ATF6: variants seen among roughly 807,000 people sequenced by gnomAD.
The protein encoded by ATF6 is activating transcription factor 6.
Under a neutral mutation model 83.6 loss-of-function variants are expected in ATF6, and 53 were observed. The ratio of observed to expected loss-of-function variants is 0.63; its 90% CI spans 0.51 to 0.80. The LOEUF is 0.80. Ranked by LOEUF, ATF6 falls within the 30% of genes least tolerant of loss-of-function variation. The pLI is 0.00. For synonymous variants in ATF6, 288 were observed against 285.8 expected (o/e 1.01, Z -0.08); for missense variants, 744 against 797.9 (o/e 0.93, Z 0.81).
At position 161,886,152 on chromosome 1, in the gene ATF6, G is replaced by A. The variant is rs115076617; in HGVS notation, c.1719+22840G>A. 9.2e-3 allele frequency among the ~76,000 whole-genome samples: 1,394 copies of A among 152,266 alleles called. 11 individuals carry two copies. The highest frequency in any genetic ancestry group is 0.015 in the Non-Finnish European group (1,012 of 68,020). On this transcript the variant is annotated intron_variant, in intron 14 of 15. Transcript: ENST00000367942. Reference sequence around the variant, plus strand: ...GCAGTGTGGCATTTCAGACAGAGAGGTGAATATGTAAGCACACAGGATGAG... The same window carrying A: ...GCAGTGTGGCATTTCAGACAGAGAGATGAATATGTAAGCACACAGGATGAG...
At chr1:161,791,247 AT>A (rs1253871221) in intron 4 of ATF6, among the ~76,000 whole-genome samples, 160 bp from the exon 5 acceptor site, 1 of 152,120 alleles carries the variant, frequency 6.6e-6, no homozygotes, top group African/African-American at 2.4e-5. Flanking sequence ...GATCATGCTG[AT>A]AGTCACTTAT....
At position 161,859,926 on chromosome 1, in the gene ATF6, T is replaced by G. The variant is rs559553792; in HGVS notation, c.1534-281T>G. 3.3e-5 allele frequency among the ~76,000 whole-genome samples: 5 copies of G among 152,296 alleles called. No individual in the cohort carries two copies. The East Asian group carries it at 7.7e-4, about 23-fold the overall frequency. ...ATATGTTCAGTAACACTTATATAGC[T>G]TGGTCATAAAATTTGTGGTGCTTGG... is the stretch of plus-strand genomic sequence containing the variant. On this transcript the variant is annotated intron_variant, in intron 12 of 15. Coordinates refer to ENST00000367942, the MANE Select transcript of ATF6 (RefSeq NM_007348.4).
intron 14 of ATF6, among the ~76,000 whole-genome samples, chr1:161,909,952 T>C (rs974557668): frequency 1.2e-4 from 18 of 151,878 alleles, no homozygotes; most frequent in African/African-American, 4.4e-4. Context: ...CAAGACTCCA[T>C]CTCAAAAAAA....
chr1:161,958,518 T>C lies in ATF6; in HGVS notation c.1877T>C (p.Leu626Pro). ...TGTCAGGTGATGGACACCAGGATCC[T>C]CCATATCAAAAGTTCGTCAGTTCCT... Reference protein sequence around the residue: ...IDCQVMDTRILHIKSSSVPPY... With the variant: ...IDCQVMDTRIPHIKSSSVPPY... Residue 626 changes from leucine to proline, a missense_variant, in exon 16 of 16, where the codon CTC becomes CCC. Leu to Pro is a moderately conservative substitution (Grantham distance 98). Transcript: ENST00000367942. 1 of 1,613,774 alleles carries C rather than the reference T, an allele frequency of 6.2e-7. No homozygotes were observed. The highest frequency in any genetic ancestry group is 8.5e-7 in the Non-Finnish European group (1 of 1,179,784).
At position 161,920,680 on chromosome 1, in the gene ATF6, C is replaced by T. The variant is rs777853659; in HGVS notation, c.1804+8300C>T. On this transcript the variant is annotated intron_variant, in intron 15 of 15. Coordinates refer to ENST00000367942, the MANE Select transcript of ATF6 (RefSeq NM_007348.4). ...TGAGCCAGTTGCTGTGTTGAGTCAA[C>T]GGCTTAAGAGTGGCTAAGGCCGAGA... Among the ~76,000 whole-genome samples, 8 of 151,688 alleles carry T rather than the reference C, an allele frequency of 5.3e-5. No homozygotes were observed. In the East Asian group the frequency reaches 5.9e-4, roughly 11 times the overall value.
At chr1:161,909,933 G>C (rs1201190781) in intron 14 of ATF6, among the ~76,000 whole-genome samples, 1 of 152,138 alleles carries the variant, frequency 6.6e-6, no homozygotes, top group Non-Finnish European at 1.5e-5. Flanking sequence ...TCCAGCTTGG[G>C]TGACAGAGCA....
intron 5 of ATF6, among the ~76,000 whole-genome samples, chr1:161,791,772 C>T (rs950810636): frequency 6.6e-6 from 1 of 152,160 alleles, no homozygotes; most frequent in African/African-American, 2.4e-5. Flanking sequence ...ACTCAGACCC[C>T]ACCATCTTCA....
At chr1:161,919,437 C>A (rs1284418862) in intron 15 of ATF6, among the ~76,000 whole-genome samples, 2 of 152,090 alleles carry the variant, frequency 1.3e-5, no homozygotes, top group Non-Finnish European at 2.9e-5. Flanking sequence ...TAAAACTGTT[C>A]ATTTCCTTTC....
chr1:161,845,775 CAAAAAAA>C (rs66887008), intron 9 of ATF6, among the ~76,000 whole-genome samples: 1 of 74,552 alleles, frequency 1.3e-5, no homozygotes, highest in East Asian at 3.8e-4. Context: ...GACCCTGTCT[CAAAAAAA>C]AAAAAAAAAA....
chr1:161,823,655 T>G (rs1685815492), intron 9 of ATF6, among the ~76,000 whole-genome samples: 1 of 152,230 alleles, frequency 6.6e-6, no homozygotes, highest in South Asian at 2.1e-4. Context: ...ATAAAAATCT[T>G]TGATGTCCGA....
At chr1:161,876,917 A>G (rs912382653) in intron 14 of ATF6, among the ~76,000 whole-genome samples, 4 of 152,018 alleles carry the variant, frequency 2.6e-5, no homozygotes, top group East Asian at 1.9e-4. Context: ...TATGTAATAG[A>G]TTTTTATATG....
intron 14 of ATF6, among the ~76,000 whole-genome samples, chr1:161,864,281 C>G (rs1686945644): frequency 6.6e-6 from 1 of 152,094 alleles, no homozygotes; most frequent in South Asian, 2.1e-4. Context: ...TTTTCTCAAC[C>G]TTAGCAGGAT....
chr1:161,958,299 A>G (rs1002407452), intron 15 of ATF6, 147 bp from the exon 16 acceptor site: 4 of 684,534 alleles, frequency 5.8e-6, no homozygotes, highest in Non-Finnish European at 9.1e-6. Context: ...AGCTCTGCTT[A>G]CTGACTGAGA....
chr1:161,952,306 C>T (rs933488584), intron 15 of ATF6, among the ~76,000 whole-genome samples: 4 of 152,106 alleles, frequency 2.6e-5, no homozygotes, highest in African/African-American at 7.2e-5. Flanking sequence ...GAAACTCAGA[C>T]GTGTGTGCAA....
intron 7 of ATF6, among the ~76,000 whole-genome samples, chr1:161,806,226 A>G (rs1298272456): frequency 1.3e-5 from 2 of 152,204 alleles, no homozygotes; most frequent in African/African-American, 4.8e-5. Context: ...ATAGGACAGC[A>G]TGCTTATCTT....
chr1:161,787,117 T>A (rs897157998), intron 4 of ATF6, among the ~76,000 whole-genome samples: 1 of 152,236 alleles, frequency 6.6e-6, no homozygotes, highest in Non-Finnish European at 1.5e-5. Flanking sequence ...CAATTTTGAT[T>A]TTTTCTAATA....
At chr1:161,860,115 T>G in intron 12 of ATF6, 92 bp from the exon 13 acceptor site, 1 of 764,540 alleles carries the variant, frequency 1.3e-6, no homozygotes, top group Non-Finnish European at 2.0e-6. Flanking sequence ...AATGGAAGTT[T>G]AACAAATTTA....
At chr1:161,793,154 C>G (rs1272395612) in intron 6 of ATF6, among the ~76,000 whole-genome samples, 2 of 152,000 alleles carry the variant, frequency 1.3e-5, no homozygotes, top group Admixed American at 6.6e-5. Flanking sequence ...ATAGGTAGCT[C>G]GTTTTTTGGA....
chr1:161,886,734 C>T (rs1425912914), intron 14 of ATF6, among the ~76,000 whole-genome samples: 1 of 152,146 alleles, frequency 6.6e-6, no homozygotes, highest in Non-Finnish European at 1.5e-5. Context: ...TATAGTTTTA[C>T]AACTACAAAG....
Sources: gnomAD v4.1 joint callset for allele counts (sites outside exome capture counted in the v4.1 genomes callset) on GRCh38, gnomAD v4.1.1 for gene constraint, MANE v1.5 for transcripts, NCBI Gene and HGNC (gene_info 2026-07-23, HGNC 2026-07-21) for gene names.